Variants in ADCY7 observed in about 807,000 individuals in gnomAD.
ADCY7 encodes adenylate cyclase 7.
Under a neutral mutation model 120.6 loss-of-function variants are expected in ADCY7, and 72 were observed. The observed-to-expected ratio is 0.60, with a 90% CI of 0.49 to 0.73. The LOEUF (loss-of-function observed/expected upper bound fraction) is 0.73. Among genes scored for constraint, ADCY7 ranks in the 30% least tolerant of loss-of-function variants. ADCY7 has a pLI of 0.00. For synonymous variants in ADCY7, 661 were observed against 628.0 expected, an observed-to-expected ratio of 1.05 and a Z score of -0.78; for missense variants, 1,227 against 1,486.0, an observed-to-expected ratio of 0.83 and a Z score of 2.87.
chr16:50,270,015 C>A (rs2150831279), intron 1 of ADCY7, among the ~76,000 whole-genome samples: 1 of 152,210 alleles, frequency 6.6e-6, no homozygotes. Flanking sequence ...ATGGCACAAC[C>A]CCAACTCTAG....
At chr16:50,314,564 G>A (rs934127188) in intron 24 of ADCY7, 158 bp downstream of exon 24, 2 of 603,980 alleles carry the variant, frequency 3.3e-6, no homozygotes, top group Non-Finnish European at 2.9e-6. Flanking sequence ...CTGATGTTTT[G>A]CATATAGTTA....
intron 1 of ADCY7, among the ~76,000 whole-genome samples, chr16:50,251,807 T>C (rs947501424): frequency 6.6e-6 from 1 of 152,282 alleles, no homozygotes; most frequent in African/African-American, 2.4e-5. Context: ...TTCACTGTCC[T>C]AGGAAGTGAT....
chr16:50,290,379 C>T (rs540285479), intron 2 of ADCY7, 78 bp from the exon 3 acceptor site: 59 of 1,531,108 alleles, frequency 3.9e-5, no homozygotes, highest in South Asian at 1.4e-4. Flanking sequence ...GTGAGGCAGC[C>T]GGCCCGGCAG....
intron 16 of ADCY7, 25 bp downstream of exon 16, chr16:50,308,436 G>C (rs368812893): frequency 1.2e-6 from 2 of 1,613,622 alleles, no homozygotes; most frequent in East Asian, 2.2e-5. Flanking sequence ...CTGGCCCCGC[G>C]GGCCCTCCCT....
intron 7 of ADCY7, 83 bp from the exon 8 acceptor site, chr16:50,298,821 C>A (rs752117663): frequency 4.5e-4 from 698 of 1,541,978 alleles, no homozygotes; most frequent in Non-Finnish European, 5.7e-4. Flanking sequence ...CCGGGTGCAC[C>A]CTGGAGGGTG....
chr16:50,276,320 C>T (rs2033887959), intron 1 of ADCY7, among the ~76,000 whole-genome samples: 2 of 152,260 alleles, frequency 1.3e-5, no homozygotes, highest in African/African-American at 4.8e-5. Context: ...CTCCTCACCC[C>T]CAGTGCTGCT....
intron 1 of ADCY7, among the ~76,000 whole-genome samples, chr16:50,287,571 G>A (rs545061041): frequency 3.3e-5 from 5 of 151,260 alleles, no homozygotes; most frequent in South Asian, 2.1e-4. Context: ...TCCCAGCTAC[G>A]TAGGAGGCTG....
chr16:50,275,929 C>T (rs2033859744), intron 1 of ADCY7, among the ~76,000 whole-genome samples: 1 of 152,230 alleles, frequency 6.6e-6, no homozygotes, highest in African/African-American at 2.4e-5. Context: ...TCATGGTTCT[C>T]TGCAGGTTCT....
Position 50,298,984 on chromosome 16 carries a change from C to T in ADCY7, c.1029C>T (p.His343=), listed in dbSNP as rs76942953. 1,511 of 1,613,396 alleles carry T rather than the reference C, an allele frequency of 9.4e-4. 19 individuals carry two copies. In the Admixed American group the frequency reaches 0.013, roughly 14 times the overall value. The change falls in exon 8 of 26, where the codon CAC becomes CAT. Residue 343 remains histidine (H), a synonymous_variant. Coordinates refer to ENST00000673801, the MANE Select transcript of ADCY7 (RefSeq NM_001114.5). ...GCCTGCCCGTGTCGCTGCCTACCCA[C>T]GCCCGGAACTGCGTGAAGATGGGGC... ...VSGLPVSLPT[H]ARNCVKMGLD...
In ADCY7 at chr16:50,312,256, G is replaced by A. The variant is rs182272371; in HGVS notation, c.2604+65G>A. 6.7e-5 allele frequency: 105 copies of A among 1,576,580 alleles called. No individual in the cohort carries two copies. The African/African-American group carries it at 1.3e-3, about 20-fold the overall frequency. Reference sequence around the variant, plus strand: ...ACGGTCCAGGCGCAGTCCGTAGGGTGAAGGTGTGGAGCTGGAGTGCATGCT... The same window carrying A: ...ACGGTCCAGGCGCAGTCCGTAGGGTAAAGGTGTGGAGCTGGAGTGCATGCT... On this transcript the variant is annotated intron_variant, in intron 21 of 25. Coordinates refer to ENST00000673801, the MANE Select transcript of ADCY7 (RefSeq NM_001114.5).
intron 1 of ADCY7, among the ~76,000 whole-genome samples, chr16:50,251,591 AT>A (rs2032757803): frequency 6.6e-6 from 1 of 152,228 alleles, no homozygotes; most frequent in East Asian, 1.9e-4. Flanking sequence ...AAACCACAAG[AT>A]TTTTACATAA....
chr16:50,314,123 C>A, intron 23 of ADCY7, 61 bp downstream of exon 23: 2 of 1,537,908 alleles, frequency 1.3e-6, no homozygotes, highest in Middle Eastern at 1.8e-4. Flanking sequence ...GACCTGTCAC[C>A]TTACTTAAAG....
chr16:50,247,324 G>A (rs1187183947), intron 1 of ADCY7, among the ~76,000 whole-genome samples: 7 of 152,160 alleles, frequency 4.6e-5, no homozygotes, highest in Non-Finnish European at 1.0e-4. Context: ...GAGCAGAGGT[G>A]AGAACCCTGC....
At chr16:50,253,953 GTCTGTCTA>G (rs890261776) in intron 1 of ADCY7, among the ~76,000 whole-genome samples, 94 of 152,136 alleles carry the variant, frequency 6.2e-4, no homozygotes, top group African/African-American at 2.2e-3. Context: ...TTCTCTGTGT[GTCTGTCTA>G]TCTGTCTGTC....
chr16:50,312,320 C>A, intron 21 of ADCY7, 129 bp downstream of exon 21: 1 of 1,031,428 alleles, frequency 9.7e-7, no homozygotes, highest in Non-Finnish European at 1.4e-6. Flanking sequence ...ACCGGGATGC[C>A]CAGGCGACAA....
rs1418720638 is a variant in ADCY7 at position 50,316,045 on chromosome 16, T to C, written c.*540T>C. The C allele has an allele frequency of 6.5e-6, 1 of 153,350 alleles. No homozygotes were observed. Among genetic ancestry groups the C allele is most frequent in the African/African-American group, 2.4e-5 (1 of 41,460 alleles). 9.5% of individuals were successfully genotyped at this position (153,350 alleles called of 1,614,324 possible). ...ACATCTGTAAACGGTTTCAAACAGG[T>C]AGAGAGAAAAACACCACAATTAACA... On this transcript the variant is annotated 3_prime_UTR_variant, in exon 26 of 26. Coordinates refer to ENST00000673801, the MANE Select transcript of ADCY7 (RefSeq NM_001114.5).
At chr16:50,272,243 C>T (rs966446325) in intron 1 of ADCY7, among the ~76,000 whole-genome samples, 13 of 152,158 alleles carry the variant, frequency 8.5e-5, no homozygotes, top group Admixed American at 2.6e-4. Context: ...TGCCACCACC[C>T]GCCTTCTAGG....
intron 1 of ADCY7, among the ~76,000 whole-genome samples, chr16:50,246,543 C>A (rs939331115): frequency 6.6e-6 from 1 of 152,178 alleles, no homozygotes; most frequent in African/African-American, 2.4e-5. Flanking sequence ...GTGGTGGAGC[C>A]CGACTGGCTT....
chr16:50,245,508 AT>A (rs1041726049), upstream of ADCY7, among the ~76,000 whole-genome samples: 1 of 151,994 alleles, frequency 6.6e-6, no homozygotes, highest in Non-Finnish European at 1.5e-5. Flanking sequence ...AACAGAGCAG[AT>A]TTTTTTTCTG....
Sources: allele counts gnomAD v4.1 joint callset (sites outside exome capture counted in the v4.1 genomes callset), GRCh38; gene constraint gnomAD v4.1.1; transcripts MANE v1.5; gene names NCBI Gene and HGNC (gene_info 2026-07-23, HGNC 2026-07-21).